FAM53B: variants seen among roughly 807,000 people sequenced by gnomAD.
FAM53B encodes protein FAM53B.
In FAM53B, 12 loss-of-function variants were observed where a neutral mutation model predicts 32.7. The ratio of observed to expected loss-of-function variants is 0.37; its 90% CI spans 0.24 to 0.59. FAM53B has a LOEUF of 0.59. Among genes scored for constraint, FAM53B ranks in the 20% least tolerant of loss-of-function variants. FAM53B has a pLI of 0.72. For synonymous variants in FAM53B, 234 were observed against 228.7 expected (o/e 1.02, Z -0.21); for missense variants, 477 against 577.7 (o/e 0.83, Z 1.79).
chr10:124,737,674 C>T (rs187347380), intron 1 of FAM53B, among the ~76,000 whole-genome samples: 34 of 152,310 alleles, frequency 2.2e-4, no homozygotes, highest in African/African-American at 7.7e-4. Context: ...TCCAAGCCCC[C>T]TGGCCATTCT....
intron 1 of FAM53B, among the ~76,000 whole-genome samples, chr10:124,728,741 G>C (rs145982796): frequency 1.3e-5 from 2 of 152,372 alleles, no homozygotes; most frequent in East Asian, 3.9e-4. Flanking sequence ...CAAAGGGAAA[G>C]CTTGATGGAG....
intron 1 of FAM53B, among the ~76,000 whole-genome samples, chr10:124,739,222 G>A (rs1180342316): frequency 6.6e-6 from 1 of 152,228 alleles, no homozygotes; most frequent in Non-Finnish European, 1.5e-5. Context: ...AGGGCATATG[G>A]AAAGCAACCA....
intron 1 of FAM53B, among the ~76,000 whole-genome samples, chr10:124,732,158 G>C (rs550585996): frequency 6.6e-6 from 1 of 152,216 alleles, no homozygotes; most frequent in Non-Finnish European, 1.5e-5. Flanking sequence ...AATCAGAGAT[G>C]AGCAGCCAGC....
intron 4 of FAM53B, among the ~76,000 whole-genome samples, chr10:124,646,637 C>T (rs1401993493): frequency 1.3e-5 from 2 of 152,220 alleles, no homozygotes; most frequent in African/African-American, 2.4e-5. Flanking sequence ...CAGATGGCCA[C>T]CCTGTGACGC....
Position 124,646,154 on chromosome 10 carries a change from G to A in FAM53B, c.907-22550C>T, listed in dbSNP as rs78708879. 3.2e-3 allele frequency among the ~76,000 whole-genome samples: 482 copies of A among 152,294 alleles called. 2 individuals are homozygous for A. Among genetic ancestry groups the A allele is most frequent in the Non-Finnish European group, 5.0e-3 (343 of 68,028 alleles). On this transcript the variant is annotated intron_variant, in intron 4 of 4. Coordinates refer to ENST00000337318, the MANE Select transcript of FAM53B (RefSeq NM_014661.4). ...GGAGGGGGAACAATGAGCATCTAGC[G>A]GATGGAGTCAGGGATCCTCCCATGA...
intron 1 of FAM53B, among the ~76,000 whole-genome samples, chr10:124,728,520 A>T (rs1022141856): frequency 4.6e-5 from 7 of 152,166 alleles, no homozygotes; most frequent in African/African-American, 1.7e-4. Context: ...GGAAGAGACA[A>T]TTCTGGATCC....
Position 124,633,646 on chromosome 10 carries a change from C to A in FAM53B, c.907-10042G>T, listed in dbSNP as rs147082385. Among the ~76,000 whole-genome samples, 5 of 152,198 alleles carry A rather than the reference C, an allele frequency of 3.3e-5. No individual in the cohort carries two copies. The East Asian group carries it at 9.6e-4, about 29-fold the overall frequency. ...ATGAAACAGAATGTTCTGAAATAGA[C>A]CCAGTTTGGTATATGATAAGGGTAG... On this transcript the variant is annotated intron_variant, in intron 4 of 4. Coordinates refer to ENST00000337318, the MANE Select transcript of FAM53B (RefSeq NM_014661.4).
intron 4 of FAM53B, among the ~76,000 whole-genome samples, chr10:124,624,828 G>C (rs1405142016): frequency 6.6e-6 from 1 of 151,328 alleles, no homozygotes; most frequent in African/African-American, 2.4e-5. Context: ...GCCACAGACA[G>C]GACAGAGGCT....
intron 4 of FAM53B, among the ~76,000 whole-genome samples, chr10:124,663,809 T>C (rs963681789): frequency 5.9e-5 from 9 of 151,958 alleles, no homozygotes; most frequent in Admixed American, 1.3e-4. Context: ...GCAGCCTATA[T>C]TCCCTGTGCT....
intron 1 of FAM53B, among the ~76,000 whole-genome samples, chr10:124,729,188 G>A (rs1950125929): frequency 6.6e-6 from 1 of 152,212 alleles, no homozygotes; most frequent in African/African-American, 2.4e-5. Context: ...TCTCCCTGAG[G>A]GCTGGGACAG....
chr10:124,626,483 A>T (rs1473155284), intron 4 of FAM53B, among the ~76,000 whole-genome samples: 3 of 148,886 alleles, frequency 2.0e-5, no homozygotes, highest in Non-Finnish European at 4.5e-5. Flanking sequence ...ATGAGGGCCC[A>T]TAACAGAGAC....
At chr10:124,720,271 A>G (rs907971983) in intron 1 of FAM53B, among the ~76,000 whole-genome samples, 9 of 151,484 alleles carry the variant, frequency 5.9e-5, no homozygotes, top group African/African-American at 2.2e-4. Context: ...TAATAATAAT[A>G]CCAGCCTAGG....
In FAM53B at chr10:124,681,897, G is replaced by T. The variant is rs775613836; in HGVS notation, c.616C>A (p.Gln206Lys). 46 of 1,613,892 alleles carry T rather than the reference G, an allele frequency of 2.9e-5. No homozygotes were observed. Among genetic ancestry groups the T allele is most frequent in the Non-Finnish European group, 3.6e-5 (43 of 1,179,960 alleles). Residue 206 changes from glutamine to lysine, a missense_variant, in exon 4 of 5, where the codon CAG becomes AAG. Around this residue, in one of 2 missense-constraint regions of FAM53B, gnomAD observed 312 missense variants for 420.2 expected, o/e 0.74. Transcript: ENST00000337318. The part of the protein sequence containing the change: ...QGVPGSAPCG[Q>K]AGDTWSPDLH... ...TCAGGGCTCCAGGTGTCACCTGCCT[G>T]TCCACACGGGGCTGAGCCTGGCACC... is the stretch of plus-strand genomic sequence containing the variant.
chr10:124,635,897 G>A (rs948919869), intron 4 of FAM53B, among the ~76,000 whole-genome samples: 17 of 152,224 alleles, frequency 1.1e-4, no homozygotes, highest in African/African-American at 3.9e-4. Flanking sequence ...AGCAAGGTAT[G>A]TATTGCATGC....
chr10:124,708,406 G>A (rs1041699563), intron 1 of FAM53B, among the ~76,000 whole-genome samples: 4 of 152,214 alleles, frequency 2.6e-5, no homozygotes, highest in African/African-American at 9.7e-5. Flanking sequence ...GGGAAGGGGA[G>A]GAGGGAAATC....
intron 4 of FAM53B, among the ~76,000 whole-genome samples, chr10:124,645,336 G>C (rs1381530835): frequency 1.3e-5 from 2 of 152,214 alleles, no homozygotes; most frequent in African/African-American, 4.8e-5. Context: ...TAATCATTGA[G>C]AGCAATAATA....
intron 1 of FAM53B, among the ~76,000 whole-genome samples, chr10:124,712,917 C>A (rs1237487145): frequency 6.6e-6 from 1 of 152,200 alleles, no homozygotes; most frequent in African/African-American, 2.4e-5. Flanking sequence ...GGGGCCCCTG[C>A]CCACCTCCCA....
Position 124,681,861 on chromosome 10 carries a change from C to T in FAM53B, c.652G>A (p.Val218Met), listed in dbSNP as rs141630750. ...GDTWSPDLHP[V>M]GGGRLDLQRS... ...TGCAGGTCCAGCCGGCCTCCTCCCACGGGGTGCAGGTCAGGGCTCCAGGTG... is the reference window on the plus strand; with the variant it reads ...TGCAGGTCCAGCCGGCCTCCTCCCATGGGGTGCAGGTCAGGGCTCCAGGTG... Residue 218 changes from valine (V) to methionine (M), a missense_variant, in exon 4 of 5, where the codon GTG becomes ATG. By Grantham distance (21) the Val-to-Met change is conservative (BLOSUM62 1). This residue lies in a region of FAM53B where 312 missense variants were observed against 420.2 expected (regional missense o/e 0.74). Coordinates refer to ENST00000337318, the MANE Select transcript of FAM53B (RefSeq NM_014661.4). The T allele has an allele frequency of 5.0e-5, 80 of 1,613,224 alleles. No homozygotes were observed. The highest frequency in any genetic ancestry group is 8.9e-5 in the East Asian group (4 of 44,870).
At chr10:124,650,120 C>T (rs564766759) in intron 4 of FAM53B, among the ~76,000 whole-genome samples, 177 of 152,214 alleles carry the variant, frequency 1.2e-3, no homozygotes, top group Non-Finnish European at 1.0e-3. Context: ...GACTTATCTC[C>T]CTAATGGAGC....
Sources: gnomAD v4.1 joint callset for allele counts (sites outside exome capture counted in the v4.1 genomes callset) on GRCh38, gnomAD v4.1.1 for gene constraint, gnomAD v4.1.1 regional missense constraint, MANE v1.5 for transcripts, NCBI Gene and HGNC (gene_info 2026-07-23, HGNC 2026-07-21) for gene names.